Variants in SCAF4 observed in about 807,000 individuals in gnomAD.
SCAF4 encodes SR-related and CTD-associated factor 4.
SCAF4 carries 25 observed loss-of-function variants against 129.8 expected under a neutral mutation model. The observed-to-expected ratio is 0.19, with a 90% CI of 0.14 to 0.27. SCAF4 has a LOEUF of 0.27. Ranked by LOEUF, SCAF4 falls within the 10% of genes least tolerant of loss-of-function variation. The pLI is 1.00. For missense variants in SCAF4, 1,246 were observed against 1,457.1 expected, an observed-to-expected ratio of 0.86 and a Z score of 2.36; for synonymous variants, 551 against 497.7, an observed-to-expected ratio of 1.11 and a Z score of -1.43.
At chr21:31,706,727 A>T in intron 1 of SCAF4, 1 of 226,122 alleles carries the variant, frequency 4.4e-6, no homozygotes, top group Non-Finnish European at 8.9e-6. Context: ...TGCAAACAAA[A>T]GGGAAAGGGA....
At chr21:31,682,306 G>A (rs2123487821) in intron 19 of SCAF4, among the ~76,000 whole-genome samples, 1 of 151,872 alleles carries the variant, frequency 6.6e-6, no homozygotes, top group African/African-American at 2.4e-5. Context: ...TTGAACTTGG[G>A]AGGCGGAGGC....
intron 4 of SCAF4, 58 bp from the exon 5 acceptor site, chr21:31,702,437 ACTCTT>A: frequency 6.8e-7 from 1 of 1,464,230 alleles, no homozygotes. Flanking sequence ...AACCGATTAT[ACTCTT>A]ACAAAAAAAA....
intron 1 of SCAF4, among the ~76,000 whole-genome samples, chr21:31,709,575 C>T (rs187564855): frequency 6.6e-4 from 100 of 152,244 alleles, no homozygotes; most frequent in African/African-American, 2.4e-3. Context: ...TAAGGAAACA[C>T]TCTATAGTCT....
chr21:31,679,694 T>A (rs1176765897), intron 19 of SCAF4, among the ~76,000 whole-genome samples: 1 of 152,198 alleles, frequency 6.6e-6, no homozygotes, highest in East Asian at 1.9e-4. Context: ...ATGTGACTCA[T>A]CTATTTTTGG....
chr21:31,716,969 A>C (rs2050934409), intron 1 of SCAF4, among the ~76,000 whole-genome samples: 1 of 152,166 alleles, frequency 6.6e-6, no homozygotes. Flanking sequence ...GAAGCAATTC[A>C]TTTAACAAAC....
intron 19 of SCAF4, among the ~76,000 whole-genome samples, chr21:31,678,971 G>GTGT (rs1257480570): frequency 2.0e-5 from 3 of 152,118 alleles, no homozygotes; most frequent in Non-Finnish European, 2.9e-5. Flanking sequence ...AATGGTTATT[G>GTGT]ATTAGATATT....
chr21:31,685,710 T>C lies in SCAF4; in HGVS notation c.2067A>G (p.Pro689=). 1.2e-6 allele frequency: 2 copies of C among 1,604,698 alleles called. No individual in the cohort carries two copies. The highest frequency in any genetic ancestry group is 2.7e-5 in the African/African-American group (2 of 74,662). Residue 689 remains proline (P), a synonymous_variant, in exon 17 of 20, where the codon CCA becomes CCG. Coordinates refer to ENST00000286835, the MANE Select transcript of SCAF4 (RefSeq NM_020706.2). ...GCGGCTGGAGAGCACCAACTACAGGTGGACCCGGTTGATGTGGTGGGACCT... is the reference window on the plus strand; with the variant it reads ...GCGGCTGGAGAGCACCAACTACAGGCGGACCCGGTTGATGTGGTGGGACCT... ...PPQVPPHQPG[P]PVVGALQPPA... is the part of the protein sequence containing the mutation.
At chr21:31,718,102 C>T (rs929237500) in intron 1 of SCAF4, among the ~76,000 whole-genome samples, 2 of 152,092 alleles carry the variant, frequency 1.3e-5, no homozygotes, top group Non-Finnish European at 2.9e-5. Context: ...TGCCACCACA[C>T]CTGGCTAATT....
intron 1 of SCAF4, among the ~76,000 whole-genome samples, chr21:31,726,854 C>T (rs1055567235): frequency 6.6e-6 from 1 of 152,044 alleles, no homozygotes; most frequent in South Asian, 2.1e-4. Context: ...TGCAGTAAGC[C>T]GTGCTGGTGC....
At position 31,685,073 on chromosome 21, in the gene SCAF4, C is replaced by T. The variant is rs771716573; in HGVS notation, c.2464G>A (p.Val822Ile). The T allele has an allele frequency of 8.1e-6, 13 of 1,610,772 alleles. No individual in the cohort carries two copies. In the East Asian group the frequency reaches 1.3e-4, roughly 17 times the overall value. ...AAPTNLPTPP[V>I]TQPVSLLGTQ... ...CCAAGAAGTGAAACAGGCTGGGTTA[C>T]AGGAGGGGTGGGCAGATTCGTGGGT... Residue 822 changes from valine to isoleucine, a missense_variant, in exon 19 of 20, where the codon GTA becomes ATA. Val to Ile is a conservative substitution (Grantham distance 29, BLOSUM62 3). Coordinates refer to ENST00000286835, the MANE Select transcript of SCAF4 (RefSeq NM_020706.2).
In SCAF4 at chr21:31,726,068, TAG is replaced by T. The variant is rs894821766; in HGVS notation, c.30+5593_30+5594del. ...CCTTAACTTTTTTTTTTTTTTGAGATAGAGTCTCGCTCTGTCGCCCAGGCTGG... is the reference window on the plus strand; with the variant it reads ...CCTTAACTTTTTTTTTTTTTTGAGATAGTCTCGCTCTGTCGCCCAGGCTGG... On this transcript the variant is annotated intron_variant, in intron 1 of 19. Coordinates refer to ENST00000286835, the MANE Select transcript of SCAF4 (RefSeq NM_020706.2). Among the ~76,000 whole-genome samples, 207 of 151,108 alleles carry T rather than the reference TAG, an allele frequency of 1.4e-3. 1 individual carries two copies. Among genetic ancestry groups the T allele is most frequent in the African/African-American group, 4.7e-3 (194 of 41,204 alleles).
intron 1 of SCAF4, among the ~76,000 whole-genome samples, chr21:31,722,006 C>G (rs1170647117): frequency 6.6e-6 from 1 of 152,126 alleles, no homozygotes; most frequent in Non-Finnish European, 1.5e-5. Context: ...AGGCGTGAGC[C>G]ACCACGCCTG....
At chr21:31,675,981 T>C (rs1402568488) in intron 19 of SCAF4, among the ~76,000 whole-genome samples, 2 of 152,164 alleles carry the variant, frequency 1.3e-5, no homozygotes, top group Non-Finnish European at 1.5e-5. Context: ...AAAAGGCATA[T>C]AATGAATAGG....
At chr21:31,698,038 T>C (rs1037482228) in intron 7 of SCAF4, among the ~76,000 whole-genome samples, 2 of 152,234 alleles carry the variant, frequency 1.3e-5, no homozygotes, top group African/African-American at 4.8e-5. Flanking sequence ...CTGTAAGTAA[T>C]TGGAGCCAAA....
At chr21:31,704,012 T>A (rs1041871611) in intron 3 of SCAF4, 86 bp from the exon 4 acceptor site, 3 of 783,738 alleles carry the variant, frequency 3.8e-6, no homozygotes, top group African/African-American at 3.4e-5. Flanking sequence ...GAAACTTTTA[T>A]ATATCCATCC....
intron 3 of SCAF4, among the ~76,000 whole-genome samples, chr21:31,705,121 A>T (rs1413417961): frequency 6.6e-6 from 1 of 152,224 alleles, no homozygotes; most frequent in African/African-American, 2.4e-5. Flanking sequence ...AAGGTGAGTT[A>T]AACACCTAAA....
At chr21:31,684,285 A>G (rs1227179586) in intron 19 of SCAF4, 3 of 153,240 alleles carry the variant, frequency 2.0e-5, no homozygotes, top group African/African-American at 7.2e-5. Context: ...TGTTAATTAT[A>G]TTTGGCAATA....
chr21:31,702,473 T>A, intron 4 of SCAF4, 94 bp from the exon 5 acceptor site: 1 of 1,103,574 alleles, frequency 9.1e-7, no homozygotes, highest in Non-Finnish European at 1.3e-6. Context: ...CTCCCTAGGC[T>A]AATATTTCCA....
intron 19 of SCAF4, among the ~76,000 whole-genome samples, chr21:31,683,507 G>T (rs2050044244): frequency 6.6e-6 from 1 of 152,210 alleles, no homozygotes; most frequent in African/African-American, 2.4e-5. Context: ...TTAAACTCCT[G>T]GAGTTCATGA....
Sources: gnomAD v4.1 joint callset for allele counts (sites outside exome capture counted in the v4.1 genomes callset) on GRCh38, gnomAD v4.1.1 for gene constraint, MANE v1.5 for transcripts, NCBI Gene and HGNC (gene_info 2026-07-23, HGNC 2026-07-21) for gene names.